CD163L1: variants seen among roughly 807,000 people sequenced by gnomAD.
CD163L1 encodes the protein scavenger receptor cysteine-rich type 1 protein M160.
Under a neutral mutation model 165.4 loss-of-function variants are expected in CD163L1, and 124 were observed. The ratio of observed to expected loss-of-function variants is 0.75; its 90% CI spans 0.65 to 0.87. CD163L1 has a LOEUF of 0.87. Among genes scored for constraint, CD163L1 ranks in the 40% least tolerant of loss-of-function variants. The probability of loss-of-function intolerance (pLI) is 0.00; values close to 1 mark genes in which losing one functional copy is unlikely to be tolerated. For missense variants in CD163L1, 1,525 were observed against 1,799.9 expected, an observed-to-expected ratio of 0.85 and a Z score of 2.76; for synonymous variants, 585 against 662.2, an observed-to-expected ratio of 0.88 and a Z score of 1.79.
intron 4 of CD163L1, among the ~76,000 whole-genome samples, chr12:7,407,782 TAC>T (rs57031012): frequency 0.11 from 15,375 of 143,572 alleles, 845 homozygotes; most frequent in Non-Finnish European, 0.11. Flanking sequence ...CACACATCCA[TAC>T]ACACACACAC....
chr12:7,407,802 C>CACAG (rs1948058940), intron 4 of CD163L1, among the ~76,000 whole-genome samples: 1 of 150,356 alleles, frequency 6.7e-6, no homozygotes, highest in South Asian at 2.1e-4. Flanking sequence ...CACACACACA[C>CACAG]ACACAGACAC....
intron 4 of CD163L1, among the ~76,000 whole-genome samples, chr12:7,424,288 TAAA>T (rs140177404): frequency 2.0e-5 from 3 of 146,652 alleles, no homozygotes. Context: ...CCCTTCATGG[TAAA>T]AAAAAAAAAA....
At chr12:7,392,137 G>A (rs1392812444) in intron 8 of CD163L1, among the ~76,000 whole-genome samples, 3 of 151,984 alleles carry the variant, frequency 2.0e-5, no homozygotes, top group Non-Finnish European at 4.4e-5. Context: ...CTCAGCATTA[G>A]ATCACACTTA....
intron 4 of CD163L1, among the ~76,000 whole-genome samples, chr12:7,430,002 T>C (rs1253250357): frequency 6.6e-6 from 1 of 152,168 alleles, no homozygotes; most frequent in Non-Finnish European, 1.5e-5. Flanking sequence ...GTGTTTTCTC[T>C]ACCCTTGGAG....
At chr12:7,330,577 G>C in the CD163L1 span, among the ~76,000 whole-genome samples, 33 of 152,182 alleles carry the variant, frequency 2.2e-4, no homozygotes, top group Non-Finnish European at 4.7e-4. Flanking sequence ...TCTAACTAGG[G>C]CTGAGTTCAC....
At chr12:7,345,444 A>T (rs1392198773), downstream of CD163L1, among the ~76,000 whole-genome samples, 4 of 152,142 alleles carry the variant, frequency 2.6e-5, no homozygotes. Flanking sequence ...TAAGTTCCTC[A>T]ATTTCATTTG....
At chr12:7,333,642 G>A in the CD163L1 span, among the ~76,000 whole-genome samples, 1 of 152,164 alleles carries the variant, frequency 6.6e-6, no homozygotes, top group Admixed American at 6.5e-5. Context: ...ACTAAGATCA[G>A]AGCAGAACTG....
downstream of CD163L1, among the ~76,000 whole-genome samples, chr12:7,352,997 C>A (rs1181654800): frequency 1.3e-5 from 2 of 151,960 alleles, no homozygotes. Flanking sequence ...GGTCCAGGTA[C>A]TGGACTGAAT....
chr12:7,343,021 T>C (rs989571545), downstream of CD163L1, among the ~76,000 whole-genome samples: 1 of 152,174 alleles, frequency 6.6e-6, no homozygotes, highest in African/African-American at 2.4e-5. Context: ...CAATATCTTT[T>C]GTCATTATGG....
Position 7,427,713 on chromosome 12 carries a change from A to C in CD163L1, c.766+4703T>G, listed in dbSNP as rs925321342. 5.3e-5 allele frequency among the ~76,000 whole-genome samples: 8 copies of C among 152,206 alleles called. No homozygotes were observed. In the East Asian group the frequency reaches 1.5e-3, roughly 29 times the overall value. ...GCAGGTCAGATAGCAAGAATTTGAC[A>C]ATGTCATACCTGCAAATGTGATTCT... On this transcript the variant is annotated intron_variant, in intron 4 of 19. Coordinates refer to ENST00000313599, the MANE Select transcript of CD163L1 (RefSeq NM_174941.6).
At chr12:7,348,043 T>C (rs752631823) in intron 4 of CD163L1, among the ~76,000 whole-genome samples, 1 of 152,250 alleles carries the variant, frequency 6.6e-6, no homozygotes, top group Non-Finnish European at 1.5e-5. Context: ...CAAATATTTG[T>C]AGTTTTTAAA....
At chr12:7,441,267 A>G (rs779906425) in intron 1 of CD163L1, 21 bp from the exon 2 acceptor site, 1 of 1,569,228 alleles carries the variant, frequency 6.4e-7, no homozygotes, top group Non-Finnish European at 8.8e-7. Flanking sequence ...AAAATATAGC[A>G]GGGTAGAATT....
chr12:7,386,455 C>T (rs184441739), intron 8 of CD163L1, among the ~76,000 whole-genome samples: 10 of 152,036 alleles, frequency 6.6e-5, no homozygotes, highest in Admixed American at 4.6e-4. Flanking sequence ...GGGCATTCTT[C>T]CTAACTCATC....
chr12:7,435,636 G>A (rs1018183049), intron 2 of CD163L1, among the ~76,000 whole-genome samples: 3 of 151,882 alleles, frequency 2.0e-5, no homozygotes, highest in Admixed American at 2.0e-4. Flanking sequence ...TACATTGCTA[G>A]CAGAATTCAT....
chr12:7,407,595 A>G (rs1948052057), intron 4 of CD163L1, among the ~76,000 whole-genome samples: 1 of 151,608 alleles, frequency 6.6e-6, no homozygotes, highest in African/African-American at 2.4e-5. Flanking sequence ...CAATTTTACT[A>G]AGTGATATAA....
At chr12:7,350,804 A>G (rs113636251), downstream of CD163L1, among the ~76,000 whole-genome samples, 10 of 152,318 alleles carry the variant, frequency 6.6e-5, no homozygotes, top group African/African-American at 2.4e-4. Context: ...AAAATATCAA[A>G]AGAACTACTC....
intron 4 of CD163L1, among the ~76,000 whole-genome samples, chr12:7,426,876 A>G (rs999410833): frequency 1.3e-5 from 2 of 152,170 alleles, no homozygotes; most frequent in Non-Finnish European, 2.9e-5. Flanking sequence ...ATTTCATGTA[A>G]ATGGCAACCA....
At position 7,396,390 on chromosome 12, in the gene CD163L1, C is replaced by T. The variant is rs1278456901; in HGVS notation, c.1755G>A (p.Leu585=). Residue 585 remains leucine, a synonymous_variant, in exon 8 of 20, where the codon CTG becomes CTA. Transcript: ENST00000313599. ...CCGAGCAGCGGTTGCTGCCGCCCAC[C>T]AGCCTCAGGCCCCATGTTGCATCAC... ...CSGDATWGLR[L]VGGSNRCSGR... The T allele has an allele frequency of 6.2e-7, 1 of 1,608,974 alleles. No homozygotes were observed. Among genetic ancestry groups the T allele is most frequent in the African/African-American group, 1.3e-5 (1 of 74,852 alleles).
chr12:7,423,098 T>C (rs1297851598), intron 4 of CD163L1, among the ~76,000 whole-genome samples: 1 of 152,010 alleles, frequency 6.6e-6, no homozygotes, highest in Non-Finnish European at 1.5e-5. Flanking sequence ...CCTCAGCAAA[T>C]GCAAAAGAAC....
Sources: gnomAD v4.1 joint callset for allele counts (sites outside exome capture counted in the v4.1 genomes callset) on GRCh38, gnomAD v4.1.1 for gene constraint, MANE v1.5 for transcripts, NCBI Gene and HGNC (gene_info 2026-07-23, HGNC 2026-07-21) for gene names.